The following ALMS1 variants were observed in gnomAD, a reference collection of about 807,000 sequenced individuals.
The protein encoded by ALMS1 is ALMS1 centrosome and basal body associated protein.
In ALMS1, 271 loss-of-function variants were observed where a neutral mutation model predicts 352.2. The ratio of observed to expected loss-of-function variants is 0.77; its 90% CI spans 0.70 to 0.85. The LOEUF is 0.85. ALMS1 is among the 40% of genes least tolerant of loss of function. The probability of loss-of-function intolerance (pLI) is 0.00; values close to 1 mark genes in which losing one functional copy is unlikely to be tolerated. For synonymous variants in ALMS1, 1,865 were observed against 1,761.2 expected, an observed-to-expected ratio of 1.06 and a Z score of -1.48; for missense variants, 5,445 against 4,870.7, an observed-to-expected ratio of 1.12 and a Z score of -3.51.
chr2:73,495,203 T>TA (rs544565053), intron 10 of ALMS1, among the ~76,000 whole-genome samples: 14 of 152,272 alleles, frequency 9.2e-5, no homozygotes, highest in Non-Finnish European at 1.9e-4. Context: ...ACTGTTTCAT[T>TA]AAAAATCCCT....
chr2:73,393,180 G>A (rs571173666), intron 1 of ALMS1, among the ~76,000 whole-genome samples: 1 of 144,878 alleles, frequency 6.9e-6, no homozygotes, highest in African/African-American at 2.9e-5. Flanking sequence ...TTATATATAT[G>A]CATATTACAT....
intron 1 of ALMS1, among the ~76,000 whole-genome samples, chr2:73,408,176 C>G (rs6546830): frequency 0.83 from 125,847 of 152,198 alleles, 52,178 homozygotes; most frequent in Non-Finnish European, 0.86. Context: ...TGTGTTCCTT[C>G]AGCCTTTGGC....
At chr2:73,570,376 T>C (rs1364125627) in intron 15 of ALMS1, among the ~76,000 whole-genome samples, 1 of 152,140 alleles carries the variant, frequency 6.6e-6, no homozygotes, top group East Asian at 1.9e-4. Flanking sequence ...AAAGAGAATA[T>C]AGACTGAGAA....
At position 73,452,264 on chromosome 2, in the gene ALMS1, G is replaced by T. The variant is rs868341047; in HGVS notation, c.5737G>T (p.Val1913Phe). ...TTTTCATCAGCAGGAGTTGCCAGATGTTACTGAAGAAGCTTTAAATGTTTT... is the reference window on the plus strand; with the variant it reads ...TTTTCATCAGCAGGAGTTGCCAGATTTTACTGAAGAAGCTTTAAATGTTTT... ...SIFHQQELPD[V>F]TEEALNVFVV... Residue 1913 changes from valine (V) to phenylalanine (F), a missense_variant, in exon 8 of 23, where the codon GTT becomes TTT. Transcript: ENST00000613296. 6.2e-7 allele frequency: 1 copy of T among 1,614,022 alleles called. No individual in the cohort carries two copies. Among genetic ancestry groups the T allele is most frequent in the Non-Finnish European group, 8.5e-7 (1 of 1,179,982 alleles).
chr2:73,562,162 T>A (rs1674678079), intron 15 of ALMS1, among the ~76,000 whole-genome samples: 1 of 152,018 alleles, frequency 6.6e-6, no homozygotes, highest in Non-Finnish European at 1.5e-5. Flanking sequence ...TATGTATGTA[T>A]GTATGTATGT....
chr2:73,425,565 G>A (rs1284896373), intron 5 of ALMS1, among the ~76,000 whole-genome samples: 1 of 152,092 alleles, frequency 6.6e-6, no homozygotes, highest in South Asian at 2.1e-4. Flanking sequence ...AAATATTGAT[G>A]CTGCTGAAAA....
chr2:73,487,338 G>T (rs1412073154), intron 9 of ALMS1, among the ~76,000 whole-genome samples: 1 of 152,216 alleles, frequency 6.6e-6, no homozygotes, highest in Non-Finnish European at 1.5e-5. Flanking sequence ...TGGTAGGGCA[G>T]GCAGCTCCAG....
chr2:73,534,805 C>A lies in ALMS1; in HGVS notation c.9782-19C>A, dbSNP rs777706370. On this transcript the variant is annotated intron_variant, in intron 11 of 22. Transcript: ENST00000613296. ...ACAAATGTTTTTCATATTAATTGTT[C>A]TGATTTTTACCTCCTTAGGCCAGCC... The A allele has an allele frequency of 4.5e-5, 73 of 1,611,014 alleles. No individual in the cohort carries two copies. The highest frequency in any genetic ancestry group is 1.0e-5 in the Non-Finnish European group (12 of 1,177,640).
chr2:73,419,923 A>C (rs956938018), intron 3 of ALMS1, among the ~76,000 whole-genome samples: 1 of 152,252 alleles, frequency 6.6e-6, no homozygotes, highest in African/African-American at 2.4e-5. Context: ...GTAGAGAAGC[A>C]TGAATAGAAC....
chr2:73,544,277 A>G (rs1674262203), intron 12 of ALMS1, among the ~76,000 whole-genome samples: 1 of 152,184 alleles, frequency 6.6e-6, no homozygotes, highest in Non-Finnish European at 1.5e-5. Flanking sequence ...CAAAAAACCA[A>G]ACACTGCATG....
intron 1 of ALMS1, among the ~76,000 whole-genome samples, chr2:73,390,173 T>C (rs1670615250): frequency 6.6e-6 from 1 of 152,202 alleles, no homozygotes; most frequent in South Asian, 2.1e-4. Flanking sequence ...TTTACAATGA[T>C]ACAAGGAGTG....
At chr2:73,393,983 GC>G (rs1670705268) in intron 1 of ALMS1, among the ~76,000 whole-genome samples, 1 of 151,738 alleles carries the variant, frequency 6.6e-6, no homozygotes, top group African/African-American at 2.4e-5. Context: ...ACCATGCCTG[GC>G]TAATTTTTGT....
Position 73,572,334 on chromosome 2 carries a change from A to C in ALMS1, c.10457A>C (p.His3486Pro). Residue 3486 changes from histidine to proline, a missense_variant, in exon 16 of 23, where the codon CAT becomes CCT. His to Pro is a moderately conservative substitution (Grantham distance 77). Coordinates refer to ENST00000613296, the MANE Select transcript of ALMS1 (RefSeq NM_001378454.1). ...AGGTCAGCAAAGTTTTACATTCATC[A>C]TCCCGTACACCTACCAAGTGATCAA... ...VFRSAKFYIH[H>P]PVHLPSDQDI... 1.2e-6 allele frequency: 2 copies of C among 1,605,414 alleles called. No individual in the cohort carries two copies. Among genetic ancestry groups the C allele is most frequent in the Non-Finnish European group, 1.7e-6 (2 of 1,176,596 alleles).
At position 73,450,712 on chromosome 2, in the gene ALMS1, G is replaced by T. The variant is rs758814503; in HGVS notation, c.4185G>T (p.Ser1395=). The stretch of plus-strand genomic sequence containing the variant: ...AGCCGAGTATTTTCTACCAACAGTC[G>T]TTGCCAGGTAGTCATCTAACTGAAG... ...TEKPSIFYQQ[S]LPGSHLTEEA... is the part of the protein sequence containing the mutation. The change falls in exon 8 of 23, where the codon TCG becomes TCT. Residue 1395 remains serine, a synonymous_variant. Transcript: ENST00000613296. The T allele has an allele frequency of 1.9e-6, 3 of 1,611,652 alleles. No individual in the cohort carries two copies. Among genetic ancestry groups the T allele is most frequent in the African/African-American group, 2.7e-5 (2 of 74,026 alleles).
chr2:73,567,692 A>G (rs746740830), intron 15 of ALMS1, among the ~76,000 whole-genome samples: 8 of 152,170 alleles, frequency 5.3e-5, no homozygotes, highest in Non-Finnish European at 7.4e-5. Context: ...AGCCATTTAG[A>G]GTATCGTGAG....
chr2:73,478,073 T>TTA (rs1278557489), intron 9 of ALMS1, among the ~76,000 whole-genome samples: 1 of 152,200 alleles, frequency 6.6e-6, no homozygotes, highest in Non-Finnish European at 1.5e-5. Flanking sequence ...TAGCTTTTCA[T>TTA]TATTCGGTAT....
intron 12 of ALMS1, among the ~76,000 whole-genome samples, chr2:73,540,233 G>T (rs1448306279): frequency 6.6e-6 from 1 of 152,174 alleles, no homozygotes; most frequent in East Asian, 1.9e-4. Flanking sequence ...TTAAAGAAAA[G>T]AATTTTCAAC....
rs1558637125 is a variant in ALMS1 at position 73,419,127 on chromosome 2, CAG to C, written c.457_458del (p.Glu153IlefsTer21). The C allele has an allele frequency of 1.2e-6, 2 of 1,613,142 alleles. No homozygotes were observed. The highest frequency in any genetic ancestry group is 1.7e-6 in the Non-Finnish European group (2 of 1,179,372). On this transcript the variant is annotated frameshift_variant, in exon 3 of 23. Coordinates refer to ENST00000613296, the MANE Select transcript of ALMS1 (RefSeq NM_001378454.1). LOFTEE classifies it high-confidence loss of function. The stretch of plus-strand genomic sequence containing the variant: ...TTTCCTTTAACATTTTTCTAGAAAA[CAG>C]AATCTTGGCATTGTCTTCCTCAAGA...
Position 73,451,227 on chromosome 2 carries a change from C to G in ALMS1, c.4700C>G (p.Thr1567Ser). 1.2e-6 allele frequency: 2 copies of G among 1,612,888 alleles called. No individual in the cohort carries two copies. Among genetic ancestry groups the G allele is most frequent in the Non-Finnish European group, 1.7e-6 (2 of 1,179,690 alleles). Residue 1567 changes from threonine to serine, a missense_variant, in exon 8 of 23, where the codon ACC (threonine) becomes AGC (serine). Physicochemically the swap from Thr to Ser is moderately conservative, Grantham distance 58. Coordinates refer to ENST00000613296, the MANE Select transcript of ALMS1 (RefSeq NM_001378454.1). ...ADQTTGIPTITSTSYSFGEKP... is the reference protein window; with the variant it reads ...ADQTTGIPTISSTSYSFGEKP... ...CAGACAACTGGCATACCAACCATAA[C>G]CTCTACTTCCTACTCATTTGGAGAG...
Sources: gnomAD v4.1 joint callset for allele counts (sites outside exome capture counted in the v4.1 genomes callset) on GRCh38, gnomAD v4.1.1 for gene constraint, MANE v1.5 for transcripts, NCBI Gene and HGNC (gene_info 2026-07-23, HGNC 2026-07-21) for gene names.